SATL1: variants seen among roughly 807,000 people sequenced by gnomAD.
SATL1 encodes spermidine/spermine N(1)-acetyltransferase-like protein 1.
SATL1 carries 47 observed loss-of-function variants against 51.8 expected under a neutral mutation model. That is an observed-to-expected ratio of 0.91 (90% CI 0.72 to 1.16). SATL1 has a LOEUF of 1.16. Ranked by LOEUF, SATL1 falls within the 50% of genes most tolerant of loss-of-function variation. The probability of loss-of-function intolerance (pLI) is 0.00; values close to 1 mark genes in which losing one functional copy is unlikely to be tolerated. For synonymous variants in SATL1, 176 were observed against 182.4 expected (o/e 0.97, Z 0.28); for missense variants, 520 against 526.4 (o/e 0.99, Z 0.12).
chrX:85,224,039 T>C (rs1245344539), intron 2 of SATL1, among the ~76,000 whole-genome samples, 166 bp downstream of exon 2: 2 of 112,083 alleles, frequency 1.8e-5, no homozygotes. Flanking sequence ...TGCTCTTAAC[T>C]ATTGTATTAG....
chrX:85,117,874 TATC>T (rs962658711), intron 2 of SATL1, among the ~76,000 whole-genome samples: 2 of 110,666 alleles, frequency 1.8e-5, no homozygotes, highest in African/African-American at 6.5e-5. Flanking sequence ...CTTTTCCAGA[TATC>T]ATCAGCAAAT....
chrX:85,217,215 G>A (rs776891208), intron 2 of SATL1, among the ~76,000 whole-genome samples: 1 of 111,425 alleles, frequency 9.0e-6, no homozygotes, highest in African/African-American at 3.3e-5. Context: ...AGAGGGTAGT[G>A]AGAGAGAATG....
intron 2 of SATL1, among the ~76,000 whole-genome samples, chrX:85,147,951 G>T (rs1284068602): frequency 8.9e-6 from 1 of 112,245 alleles, no homozygotes; most frequent in Non-Finnish European, 1.9e-5. Context: ...ATCCTCACCA[G>T]CAATGGAACA....
At chrX:85,101,139 A>C (rs928799266) in intron 4 of SATL1, among the ~76,000 whole-genome samples, 4 of 112,492 alleles carry the variant, frequency 3.6e-5, no homozygotes, top group Admixed American at 1.9e-4. Context: ...TGAATTTGGC[A>C]ATGATTTCTT....
chrX:85,154,878 G>A (rs991543640), intron 2 of SATL1, among the ~76,000 whole-genome samples: 34 of 111,871 alleles, frequency 3.0e-4, no homozygotes, highest in African/African-American at 9.1e-4. Flanking sequence ...TGGTAAATTC[G>A]AATTAGCATC....
chrX:85,126,733 A>ACC (rs1338287319), intron 2 of SATL1, among the ~76,000 whole-genome samples: 1 of 110,691 alleles, frequency 9.0e-6, no homozygotes, highest in Non-Finnish European at 1.9e-5. Context: ...AGCCCTCAGA[A>ACC]CCCCTAGCAC....
At chrX:85,161,114 T>A (rs190760168) in intron 2 of SATL1, among the ~76,000 whole-genome samples, 3 of 111,571 alleles carry the variant, frequency 2.7e-5, no homozygotes, top group African/African-American at 9.8e-5. Context: ...AAGCAAATAC[T>A]GAGGAAATTT....
chrX:85,157,869 G>A (rs1700408025), intron 2 of SATL1, among the ~76,000 whole-genome samples: 1 of 111,234 alleles, frequency 9.0e-6, no homozygotes, highest in Non-Finnish European at 1.9e-5. Context: ...AGCCACAAGC[G>A]AACTACCATA....
intron 2 of SATL1, among the ~76,000 whole-genome samples, chrX:85,183,523 C>CT (rs1927252253): frequency 9.0e-6 from 1 of 111,181 alleles, no homozygotes; most frequent in African/African-American, 3.3e-5. Flanking sequence ...AAGCTCTGTT[C>CT]TTTTTGCTCA....
intron 2 of SATL1, among the ~76,000 whole-genome samples, chrX:85,184,120 T>C (rs1158207951): frequency 8.9e-6 from 1 of 112,041 alleles, no homozygotes; most frequent in Non-Finnish European, 1.9e-5. Context: ...CAGTATCTCA[T>C]TCTTTTTATG....
chrX:85,113,643 A>G (rs1013572649), intron 2 of SATL1, among the ~76,000 whole-genome samples: 2 of 112,342 alleles, frequency 1.8e-5, no homozygotes, highest in African/African-American at 3.2e-5. Context: ...ACAAATCATG[A>G]TAAGACTGAC....
At chrX:85,235,927 C>A (rs961524279) in intron 1 of SATL1, among the ~76,000 whole-genome samples, 1 of 110,215 alleles carries the variant, frequency 9.1e-6, no homozygotes, top group African/African-American at 3.3e-5. Context: ...TAAAAATAGA[C>A]CAACTTTTAA....
At chrX:85,213,164 GATTAA>G (rs1927964103) in intron 2 of SATL1, among the ~76,000 whole-genome samples, 1 of 111,605 alleles carries the variant, frequency 9.0e-6, no homozygotes, top group Non-Finnish European at 1.9e-5. Context: ...AATGAAAACT[GATTAA>G]ATGCCATTAG....
At chrX:85,098,656 C>A (rs1232368400) in intron 4 of SATL1, among the ~76,000 whole-genome samples, 1 of 111,249 alleles carries the variant, frequency 9.0e-6, no homozygotes, top group Non-Finnish European at 1.9e-5. Flanking sequence ...GGGAAAAAAA[C>A]TTGAGAAATT....
rs750154722 is a variant in SATL1 at position 85,128,275 on chromosome X, C to T, written c.-312-18995G>A. 5.2e-3 allele frequency among the ~76,000 whole-genome samples: 585 copies of T among 111,776 alleles called. 3 individuals are homozygous for T. The highest frequency in any genetic ancestry group is 0.018 in the African/African-American group (548 of 30,775). On this transcript the variant is annotated intron_variant, in intron 2 of 7. Coordinates refer to ENST00000644105, the MANE Select transcript of SATL1 (RefSeq NM_001367857.2). ...TACACTCCCACCAACAGTGTAAAAGCCTTCCTATTTCTCCACATCCTCTCC... is the reference window on the plus strand; with the variant it reads ...TACACTCCCACCAACAGTGTAAAAGTCTTCCTATTTCTCCACATCCTCTCC...
rs956868392 is a variant in SATL1, at chrX:85,121,114, G to A, written c.-312-11834C>T. 1.7e-4 allele frequency among the ~76,000 whole-genome samples: 19 copies of A among 110,268 alleles called. 1 individual carries two copies. Among genetic ancestry groups the A allele is most frequent in the Non-Finnish European group, 3.0e-4 (16 of 52,734 alleles). ...AACCTTAACCTCCATGAGCTCAGAT[G>A]TTTTATCTGTAAAATGGAAATGATA... On this transcript the variant is annotated intron_variant, in intron 2 of 7. Coordinates refer to ENST00000644105, the MANE Select transcript of SATL1 (RefSeq NM_001367857.2).
chrX:85,147,962 G>C (rs1362797586), intron 2 of SATL1, among the ~76,000 whole-genome samples: 1 of 112,286 alleles, frequency 8.9e-6, no homozygotes, highest in Non-Finnish European at 1.9e-5. Flanking sequence ...CAATGGAACA[G>C]AGTTGGACGG....
At chrX:85,096,254 T>G (rs1056661343) in intron 4 of SATL1, among the ~76,000 whole-genome samples, 15 of 110,112 alleles carry the variant, frequency 1.4e-4, no homozygotes, top group African/African-American at 4.6e-4. Context: ...GTTCAATAAC[T>G]GAAATGAAAA....
intron 2 of SATL1, among the ~76,000 whole-genome samples, chrX:85,173,879 C>T (rs761602068): frequency 2.8e-5 from 3 of 107,390 alleles, no homozygotes; most frequent in African/African-American, 6.8e-5. Flanking sequence ...CCCATTAACT[C>T]GTCATTTACA....
Sources: allele counts gnomAD v4.1 joint callset (sites outside exome capture counted in the v4.1 genomes callset), GRCh38; gene constraint gnomAD v4.1.1; transcripts MANE v1.5; gene names NCBI Gene and HGNC (gene_info 2026-07-23, HGNC 2026-07-21).